The following RPRML variants were observed in gnomAD, a reference collection of about 807,000 sequenced individuals.
The protein encoded by RPRML is reprimo-like protein.
Under a neutral mutation model 5.2 loss-of-function variants are expected in RPRML, and 4 were observed. The observed-to-expected ratio is 0.77, with a 90% CI of 0.38 to 1.76. RPRML has a LOEUF of 1.76. RPRML is among the 40% of genes most tolerant of loss of function. RPRML has a pLI of 0.04. For synonymous variants in RPRML, 79 were observed against 89.1 expected, an observed-to-expected ratio of 0.89 and a Z score of 0.64; for missense variants, 181 against 177.7, an observed-to-expected ratio of 1.02 and a Z score of -0.11.
rs1015119300 is a variant in RPRML at position 46,978,714 on chromosome 17, C to T, written c.294G>A (p.Met98Ile). The change falls in exon 1 of 1, where the codon ATG becomes ATA. Residue 98 changes from methionine (M) to isoleucine (I), a missense_variant. Physicochemically the swap from Met to Ile is conservative, Grantham distance 10. Transcript: ENST00000322329. ...GCNLLIKSES[M>I]INFLVQERRP... ...GGCGCTCCTGCACCAGAAAGTTGAT[C>T]ATGCTCTCGGACTTGATGAGCAGGT... The T allele has an allele frequency of 6.2e-7, 1 of 1,612,236 alleles. No homozygotes were observed. Among genetic ancestry groups the T allele is most frequent in the Non-Finnish European group, 8.5e-7 (1 of 1,179,416 alleles).
Position 46,978,792 on chromosome 17 carries a change from C to T in RPRML, c.216G>A (p.Val72=), listed in dbSNP as rs758579720. ...CCACGGTAAGCGACAGCACGCAGAGCACGGCGATCTGCGCCACCCGCGACA... is the reference window on the plus strand; with the variant it reads ...CCACGGTAAGCGACAGCACGCAGAGTACGGCGATCTGCGCCACCCGCGACA... The part of the protein sequence containing the change: ...LWVSRVAQIA[V]LCVLSLTVVF... The change falls in exon 1 of 1, where the codon GTG becomes GTA. Residue 72 remains valine (V), a synonymous_variant. Coordinates refer to ENST00000322329, the MANE Select transcript of RPRML (RefSeq NM_203400.5). The T allele has an allele frequency of 7.4e-6, 12 of 1,611,872 alleles. No homozygotes were observed. Among genetic ancestry groups the T allele is most frequent in the Non-Finnish European group, 1.0e-5 (12 of 1,179,394 alleles).
Position 46,978,431 on chromosome 17 carries a change from C to T in RPRML, c.*214G>A, listed in dbSNP as rs1184237489. ...TAAGAACCCTCACCCCACATTCTCC[C>T]ACCCCGCAACGCTGCAGCGCACACA... On this transcript the variant is annotated 3_prime_UTR_variant, in exon 1 of 1. Transcript: ENST00000322329. 11 of 545,900 alleles carry T rather than the reference C, an allele frequency of 2.0e-5. No homozygotes were observed. Among genetic ancestry groups the T allele is most frequent in the Non-Finnish European group, 3.1e-5 (10 of 320,742 alleles). 33.8% of individuals were successfully genotyped at this position (545,900 alleles called of 1,614,324 possible).
At position 46,978,919 on chromosome 17, in the gene RPRML, T is replaced by C. The variant is rs1274470504; in HGVS notation, c.89A>G (p.His30Arg). Reference sequence around the variant, plus strand: ...GCAGCCCAGCCACGTGCCCAGCCCGTGGGTGCGGTTTCCCAGGGCGGCCCC... The same window carrying C: ...GCAGCCCAGCCACGTGCCCAGCCCGCGGGTGCGGTTTCCCAGGGCGGCCCC... The part of the protein sequence containing the change: ...GAGAALGNRT[H>R]GLGTWLGCCP... Residue 30 changes from histidine (H) to arginine (R), a missense_variant, in exon 1 of 1, where the codon CAC (histidine) becomes CGC (arginine). Coordinates refer to ENST00000322329, the MANE Select transcript of RPRML (RefSeq NM_203400.5). 4.8e-6 allele frequency: 7 copies of C among 1,464,864 alleles called. No homozygotes were observed. The highest frequency in any genetic ancestry group is 6.3e-6 in the Non-Finnish European group (7 of 1,116,912). 90.7% of individuals were successfully genotyped at this position (1,464,864 alleles called of 1,614,324 possible).
chr17:46,978,502 G>T lies in RPRML; in HGVS notation c.*143C>A. 2.0e-6 allele frequency: 2 copies of T among 985,940 alleles called. No homozygotes were observed. The highest frequency in any genetic ancestry group is 1.7e-5 in the African/African-American group (1 of 57,686). 61.1% of individuals were successfully genotyped at this position (985,940 alleles called of 1,614,324 possible). A position where few individuals can be genotyped will look rare whatever the true frequency, so the allele number is the denominator to read the frequency against. ...GTCCCTTCCCGCGCCCCCGCCGACA[G>T]TCTCGCCGCGTCCCCGCCCGGGCGC... On this transcript the variant is annotated 3_prime_UTR_variant, in exon 1 of 1. Transcript: ENST00000322329.
chr17:46,978,588 C>G lies in RPRML; in HGVS notation c.*57G>C, dbSNP rs2091464919. 3 of 1,529,470 alleles carry G rather than the reference C, an allele frequency of 2.0e-6. No individual in the cohort carries two copies. In the Admixed American group the frequency reaches 6.2e-5, roughly 32 times the overall value. The allele number at this position is 1,529,470 out of a possible 1,614,324, so 94.7% of individuals were successfully genotyped here. On this transcript the variant is annotated 3_prime_UTR_variant, in exon 1 of 1. Transcript: ENST00000322329. ...AGAGCGCAGAGAGCGGGGCGAGGGT[C>G]CGGGTCTCCGGGGTCCTTCTTGCAG...
Position 46,978,323 on chromosome 17 carries a change from G to T in RPRML, c.*322C>A. On this transcript the variant is annotated 3_prime_UTR_variant, in exon 1 of 1. Transcript: ENST00000322329. ...GTACACACAAAACTCCCACGCGAGC[G>T]ACCGCAGTCCCAAATTGCATCTCCA... The T allele has an allele frequency of 2.8e-6, 1 of 361,854 alleles. No individual in the cohort carries two copies. Among genetic ancestry groups the T allele is most frequent in the Non-Finnish European group, 5.0e-6 (1 of 201,976 alleles). The allele number at this position is 361,854 out of a possible 1,614,324, so 22.4% of individuals were successfully genotyped here.
Position 46,978,895 on chromosome 17 carries a change from CAGCCCAGCCACG to C in RPRML, c.101_112del (p.Thr34_Cys38delinsSer). The stretch of plus-strand genomic sequence containing the variant: ...GGCCAGCGGTGCGCCCCCTGGACAG[CAGCCCAGCCACG>C]TGCCCAGCCCGTGGGTGCGGTTTCC... On this transcript the variant is annotated inframe_deletion, in exon 1 of 1. Transcript: ENST00000322329. The C allele has an allele frequency of 6.7e-7, 1 of 1,502,708 alleles. No homozygotes were observed. Among genetic ancestry groups the C allele is most frequent in the Non-Finnish European group, 8.8e-7 (1 of 1,133,650 alleles). 93.1% of individuals were successfully genotyped at this position (1,502,708 alleles called of 1,614,324 possible). A position where few individuals can be genotyped will look rare whatever the true frequency, so the allele number is the denominator to read the frequency against.
Position 46,978,531 on chromosome 17 carries a change from A to G in RPRML, c.*114T>C, listed in dbSNP as rs375855663. On this transcript the variant is annotated 3_prime_UTR_variant, in exon 1 of 1. Transcript: ENST00000322329. ...CGCCGCGTCCCCGCCCGGGCGCCCC[A>G]GGCACGTAGCTGCCCGCCCGGAGGC... 2.2e-6 allele frequency: 3 copies of G among 1,341,224 alleles called. No homozygotes were observed. The allele number at this position is 1,341,224 out of a possible 1,614,324, so 83.1% of individuals were successfully genotyped here. A position where few individuals can be genotyped will look rare whatever the true frequency, so the allele number is the denominator to read the frequency against.
In RPRML at chr17:46,979,024, G is replaced by T. The variant is rs899333192; in HGVS notation, c.-17C>A. On this transcript the variant is annotated 5_prime_UTR_variant, in exon 1 of 1. Coordinates refer to ENST00000322329, the MANE Select transcript of RPRML (RefSeq NM_203400.5). ...CGCGTTCATCGCCGCGCGGCGCCGG[G>T]GGTCTCGGCGCGCAGTCCCGGGTGC... is the stretch of plus-strand genomic sequence containing the variant. 5 of 1,389,422 alleles carry T rather than the reference G, an allele frequency of 3.6e-6. No individual in the cohort carries two copies. In the African/African-American group the frequency reaches 6.1e-5, roughly 17 times the overall value. The allele number at this position is 1,389,422 out of a possible 1,614,324, so 86.1% of individuals were successfully genotyped here. A position where few individuals can be genotyped will look rare whatever the true frequency, so the allele number is the denominator to read the frequency against.
In RPRML at chr17:46,978,922, G is replaced by A. The variant is rs923816293; in HGVS notation, c.86C>T (p.Thr29Ile). Residue 29 changes from threonine (T) to isoleucine (I), a missense_variant, in exon 1 of 1, where the codon ACC becomes ATC. Physicochemically the swap from Thr to Ile is moderately conservative, Grantham distance 89. Transcript: ENST00000322329. ...GCCCAGCCACGTGCCCAGCCCGTGG[G>A]TGCGGTTTCCCAGGGCGGCCCCGGC... ...GGAGAALGNRTHGLGTWLGCC... is the reference protein window; with the variant it reads ...GGAGAALGNRIHGLGTWLGCC... 6.1e-6 allele frequency: 9 copies of A among 1,464,092 alleles called. No individual in the cohort carries two copies. Among genetic ancestry groups the A allele is most frequent in the Admixed American group, 2.7e-5 (1 of 36,978 alleles). The allele number at this position is 1,464,092 out of a possible 1,614,324, so 90.7% of individuals were successfully genotyped here. A position where few individuals can be genotyped will look rare whatever the true frequency, so the allele number is the denominator to read the frequency against.
At position 46,978,449 on chromosome 17, in the gene RPRML, C is replaced by G; in HGVS notation, c.*196G>C. 1 of 573,608 alleles carries G rather than the reference C, an allele frequency of 1.7e-6. No individual in the cohort carries two copies. The highest frequency in any genetic ancestry group is 2.9e-6 in the Non-Finnish European group (1 of 340,508). The allele number at this position is 573,608 out of a possible 1,614,324, so 35.5% of individuals were successfully genotyped here. On this transcript the variant is annotated 3_prime_UTR_variant, in exon 1 of 1. Coordinates refer to ENST00000322329, the MANE Select transcript of RPRML (RefSeq NM_203400.5). ...ATTCTCCCACCCCGCAACGCTGCAG[C>G]GCACACAGGACAGAGCCGGGCGTCC... is the stretch of plus-strand genomic sequence containing the variant.
Position 46,979,240 on chromosome 17 carries a change from G to T in RPRML, c.-233C>A. On this transcript the variant is annotated 5_prime_UTR_variant, in exon 1 of 1. Transcript: ENST00000322329. The stretch of plus-strand genomic sequence containing the variant: ...AACAGGCGGCGCAGGAGCTGGAGCC[G>T]GAGAACCTAGTGTGCTTAGCGGTCG... 1 of 406,162 alleles carries T rather than the reference G, an allele frequency of 2.5e-6. No homozygotes were observed. The highest frequency in any genetic ancestry group is 4.4e-6 in the Non-Finnish European group (1 of 225,414). The allele number at this position is 406,162 out of a possible 1,614,324, so 25.2% of individuals were successfully genotyped here. A position where few individuals can be genotyped will look rare whatever the true frequency, so the allele number is the denominator to read the frequency against.
Position 46,978,542 on chromosome 17 carries a change from T to TGGGC in RPRML, c.*102_*103insGCCC. Reference sequence around the variant, plus strand: ...CGCCCGGGCGCCCCAGGCACGTAGCTGCCCGCCCGGAGGCGGCGGCAGAGC... The same window carrying TGGGC: ...CGCCCGGGCGCCCCAGGCACGTAGCTGGGCGCCCGCCCGGAGGCGGCGGCAGAGC... On this transcript the variant is annotated 3_prime_UTR_variant, in exon 1 of 1. Transcript: ENST00000322329. The TGGGC allele has an allele frequency of 1.4e-6, 2 of 1,427,160 alleles. No individual in the cohort carries two copies. Among genetic ancestry groups the TGGGC allele is most frequent in the Non-Finnish European group, 1.9e-6 (2 of 1,077,400 alleles). 88.4% of individuals were successfully genotyped at this position (1,427,160 alleles called of 1,614,324 possible).
At position 46,978,928 on chromosome 17, in the gene RPRML, T is replaced by C. The variant is rs2091468651; in HGVS notation, c.80A>G (p.Asn27Ser). 2 of 1,460,584 alleles carry C rather than the reference T, an allele frequency of 1.4e-6. No individual in the cohort carries two copies. The highest frequency in any genetic ancestry group is 6.0e-5 in the East Asian group (2 of 33,520). 90.5% of individuals were successfully genotyped at this position (1,460,584 alleles called of 1,614,324 possible). The change falls in exon 1 of 1, where the codon AAC (asparagine) becomes AGC (serine). Residue 27 changes from asparagine to serine, a missense_variant. Physicochemically the swap from Asn to Ser is conservative, Grantham distance 46 (BLOSUM62 1). Coordinates refer to ENST00000322329, the MANE Select transcript of RPRML (RefSeq NM_203400.5). ...CCACGTGCCCAGCCCGTGGGTGCGG[T>C]TTCCCAGGGCGGCCCCGGCGCCGCC... ...VGGGAGAALGNRTHGLGTWLG... is the reference protein window; with the variant it reads ...VGGGAGAALGSRTHGLGTWLG...
chr17:46,979,024 G>C lies in RPRML; in HGVS notation c.-17C>G. Reference sequence around the variant, plus strand: ...CGCGTTCATCGCCGCGCGGCGCCGGGGGTCTCGGCGCGCAGTCCCGGGTGC... The same window carrying C: ...CGCGTTCATCGCCGCGCGGCGCCGGCGGTCTCGGCGCGCAGTCCCGGGTGC... On this transcript the variant is annotated 5_prime_UTR_variant, in exon 1 of 1. Coordinates refer to ENST00000322329, the MANE Select transcript of RPRML (RefSeq NM_203400.5). The C allele has an allele frequency of 7.2e-7, 1 of 1,389,530 alleles. No homozygotes were observed. The highest frequency in any genetic ancestry group is 9.2e-7 in the Non-Finnish European group (1 of 1,084,446). The allele number at this position is 1,389,530 out of a possible 1,614,324, so 86.1% of individuals were successfully genotyped here.
In RPRML at chr17:46,979,037, C is replaced by T; in HGVS notation, c.-30G>A. 1 of 1,383,438 alleles carries T rather than the reference C, an allele frequency of 7.2e-7. No homozygotes were observed. The highest frequency in any genetic ancestry group is 9.3e-7 in the Non-Finnish European group (1 of 1,080,922). The allele number at this position is 1,383,438 out of a possible 1,614,324, so 85.7% of individuals were successfully genotyped here. On this transcript the variant is annotated 5_prime_UTR_variant, in exon 1 of 1. Transcript: ENST00000322329. ...GCGCGGCGCCGGGGGTCTCGGCGCG[C>T]AGTCCCGGGTGCACTGGGCTGCTCG...
In RPRML at chr17:46,978,161, A is replaced by C; in HGVS notation, c.*484T>G. ...ACACACCTCACAGGCGCGGGTGGGAAGCTGCCTGAAGCCCTACGGCTGCAG... is the reference window on the plus strand; with the variant it reads ...ACACACCTCACAGGCGCGGGTGGGACGCTGCCTGAAGCCCTACGGCTGCAG... On this transcript the variant is annotated 3_prime_UTR_variant, in exon 1 of 1. Transcript: ENST00000322329. 5.8e-6 allele frequency: 1 copy of C among 173,790 alleles called. No homozygotes were observed. The allele number at this position is 173,790 out of a possible 1,614,324, so 10.8% of individuals were successfully genotyped here.
At position 46,978,537 on chromosome 17, in the gene RPRML, G is replaced by C; in HGVS notation, c.*108C>G. The stretch of plus-strand genomic sequence containing the variant: ...GTCCCCGCCCGGGCGCCCCAGGCAC[G>C]TAGCTGCCCGCCCGGAGGCGGCGGC... On this transcript the variant is annotated 3_prime_UTR_variant, in exon 1 of 1. Transcript: ENST00000322329. The C allele has an allele frequency of 7.1e-6, 10 of 1,400,764 alleles. No individual in the cohort carries two copies. Among genetic ancestry groups the C allele is most frequent in the Non-Finnish European group, 9.5e-6 (10 of 1,057,200 alleles). The allele number at this position is 1,400,764 out of a possible 1,614,324, so 86.8% of individuals were successfully genotyped here. A position where few individuals can be genotyped will look rare whatever the true frequency, so the allele number is the denominator to read the frequency against.
Position 46,979,162 on chromosome 17 carries a change from G to A in RPRML, c.-155C>T. The A allele has an allele frequency of 1.2e-6, 1 of 809,832 alleles. No individual in the cohort carries two copies. Among genetic ancestry groups the A allele is most frequent in the Non-Finnish European group, 1.7e-6 (1 of 580,474 alleles). 50.2% of individuals were successfully genotyped at this position (809,832 alleles called of 1,614,324 possible). A position where few individuals can be genotyped will look rare whatever the true frequency, so the allele number is the denominator to read the frequency against. ...GGAGGCTGGCTGCCTGCGCGCTCTC[G>A]GGCCGCCTACCCCTGGGCACCGGGC... On this transcript the variant is annotated 5_prime_UTR_variant, in exon 1 of 1. Coordinates refer to ENST00000322329, the MANE Select transcript of RPRML (RefSeq NM_203400.5).
Sources: allele counts gnomAD v4.1 joint callset, GRCh38; gene constraint gnomAD v4.1.1; transcripts MANE v1.5; gene names NCBI Gene and HGNC (gene_info 2026-07-23, HGNC 2026-07-21).